The following ZNF536 variants were observed in gnomAD, a reference collection of about 807,000 sequenced individuals.
The protein encoded by ZNF536 is zinc finger protein 536.
Under a neutral mutation model 84.5 loss-of-function variants are expected in ZNF536, and 13 were observed. The observed-to-expected ratio is 0.15, with a 90% CI of 0.10 to 0.24. The LOEUF is 0.24. Among genes scored for constraint, ZNF536 ranks in the 10% least tolerant of loss-of-function variants. The probability of loss-of-function intolerance (pLI) is 1.00; values close to 1 mark genes in which losing one functional copy is unlikely to be tolerated. For missense variants in ZNF536, 1,536 were observed against 1,747.5 expected (o/e 0.88, Z 2.16); for synonymous variants, 811 against 742.5 (o/e 1.09, Z -1.50).
At chr19:30,452,123 G>A (rs1056048736) in intron 2 of ZNF536, among the ~76,000 whole-genome samples, 1 of 152,134 alleles carries the variant, frequency 6.6e-6, no homozygotes, top group Non-Finnish European at 1.5e-5. Flanking sequence ...CAGGTATCAC[G>A]AGCTTCCAGG....
At chr19:30,352,939 T>C (rs1414473085) in intron 3 of ZNF536, among the ~76,000 whole-genome samples, 4 of 152,192 alleles carry the variant, frequency 2.6e-5, no homozygotes, top group Admixed American at 6.5e-5. Context: ...AAAGTGAAGA[T>C]TTGAAATAGC....
At chr19:30,294,551 G>GTA (rs1311953573) in intron 2 of ZNF536, among the ~76,000 whole-genome samples, 2 of 59,696 alleles carry the variant, frequency 3.4e-5, no homozygotes, top group African/African-American at 9.4e-5. Flanking sequence ...GCCCCAATAT[G>GTA]TGTGTGTGTG....
At chr19:30,382,874 A>C (rs1330077030) in intron 1 of ZNF536, among the ~76,000 whole-genome samples, 1 of 152,248 alleles carries the variant, frequency 6.6e-6, no homozygotes, top group East Asian at 1.9e-4. Context: ...ATTATCATTT[A>C]GCAAACATAA....
Position 30,391,760 on chromosome 19 carries a change from A to G in ZNF536, c.-3+19204A>G, listed in dbSNP as rs549243344. Reference sequence around the variant, plus strand: ...AAAAGAAAAACATGCTTTCAAATTCACTGACAAACAGCATCTTCCACTAAA... The same window carrying G: ...AAAAGAAAAACATGCTTTCAAATTCGCTGACAAACAGCATCTTCCACTAAA... On this transcript the variant is annotated intron_variant, in intron 1 of 4. Transcript: ENST00000355537. Among the ~76,000 whole-genome samples the G allele has an allele frequency of 2.3e-3, 354 of 152,320 alleles. 7 individuals carry two copies. Among genetic ancestry groups the G allele is most frequent in the Middle Eastern group, 3.4e-3 (1 of 294 alleles).
chr19:30,565,106 C>T (rs2046304574), intron 1 of ZNF536, among the ~76,000 whole-genome samples: 1 of 151,918 alleles, frequency 6.6e-6, no homozygotes. Context: ...ACCATCTGCT[C>T]CTCTTTTTGC....
At chr19:30,407,214 T>G (rs2050296047) in intron 1 of ZNF536, among the ~76,000 whole-genome samples, 3 of 152,172 alleles carry the variant, frequency 2.0e-5, no homozygotes, top group African/African-American at 7.2e-5. Context: ...GGCTGAAAAA[T>G]CTACAAAGGA....
chr19:30,435,197 CTGATGATGGTGATGATGATGG>C (rs1263439489), intron 1 of ZNF536, among the ~76,000 whole-genome samples: 2 of 135,150 alleles, frequency 1.5e-5, no homozygotes, highest in South Asian at 5.0e-4. Flanking sequence ...GATGATGATG[CTGATGATGGTGATGATGATGG>C]TGATGATGGT....
intron 1 of ZNF536, among the ~76,000 whole-genome samples, chr19:30,590,992 C>G (rs2047259521): frequency 6.6e-6 from 1 of 152,204 alleles, no homozygotes. Flanking sequence ...CTGGCCTGTG[C>G]ATGGCCCAGA....
chr19:30,412,923 T>G (rs2050555344), intron 1 of ZNF536, among the ~76,000 whole-genome samples: 1 of 152,130 alleles, frequency 6.6e-6, no homozygotes. Flanking sequence ...TATTCTTTTA[T>G]TCAAGTATGT....
chr19:30,627,468 C>CAAAAA (rs569312789), intron 1 of ZNF536, among the ~76,000 whole-genome samples: 41 of 52,050 alleles, frequency 7.9e-4, no homozygotes, highest in South Asian at 1.8e-3. Context: ...AAGGCCCTGT[C>CAAAAA]AAAAAAAAAA....
intron 1 of ZNF536, among the ~76,000 whole-genome samples, chr19:30,253,572 G>T (rs1804409506): frequency 6.6e-6 from 1 of 152,180 alleles, no homozygotes. Flanking sequence ...GTTTTGATTT[G>T]TTTTTCCCAG....
At chr19:30,263,352 T>G (rs770162956) in intron 1 of ZNF536, among the ~76,000 whole-genome samples, 1 of 152,084 alleles carries the variant, frequency 6.6e-6, no homozygotes, top group Non-Finnish European at 1.5e-5. Context: ...GAAGCCACAC[T>G]GCAGTGCCAT....
At chr19:30,465,827 T>C (rs1173223958) in intron 2 of ZNF536, among the ~76,000 whole-genome samples, 1 of 152,032 alleles carries the variant, frequency 6.6e-6, no homozygotes, top group African/African-American at 2.4e-5. Context: ...CTCGGCTCAC[T>C]GCAAGCTCCA....
chr19:30,504,317 C>T (rs12976990), intron 2 of ZNF536, among the ~76,000 whole-genome samples: 1 of 146,020 alleles, frequency 6.8e-6, no homozygotes, highest in East Asian at 2.1e-4. Context: ...CTCCCTCCCA[C>T]CAGCCTCCTT....
chr19:30,519,455 G>C (rs1282193911), intron 2 of ZNF536, among the ~76,000 whole-genome samples: 1 of 152,214 alleles, frequency 6.6e-6, no homozygotes, highest in African/African-American at 2.4e-5. Flanking sequence ...CTCTCAAGGA[G>C]AGCCTGGAGG....
intron 1 of ZNF536, among the ~76,000 whole-genome samples, chr19:30,630,642 C>A (rs976610732): frequency 6.6e-6 from 1 of 152,196 alleles, no homozygotes; most frequent in African/African-American, 2.4e-5. Flanking sequence ...AGAAAGCCCT[C>A]CTTGGCACAG....
chr19:30,450,649 T>TA (rs2052560455), intron 2 of ZNF536, among the ~76,000 whole-genome samples: 1 of 152,164 alleles, frequency 6.6e-6, no homozygotes, highest in Non-Finnish European at 1.5e-5. Flanking sequence ...TGTTATATAT[T>TA]TAAAAAATCA....
chr19:30,530,448 G>A (rs901669936), intron 2 of ZNF536, among the ~76,000 whole-genome samples: 1 of 152,044 alleles, frequency 6.6e-6, no homozygotes, highest in Admixed American at 6.6e-5. Context: ...CCAGGTTCAA[G>A]CAATTCTCCT....
At position 30,445,019 on chromosome 19, in the gene ZNF536, A is replaced by C. The variant is rs1484294541; in HGVS notation, c.1457A>C (p.His486Pro). Residue 486 changes from histidine (H) to proline (P), a missense_variant, in exon 2 of 5, where the codon CAC becomes CCC. By Grantham distance (77) the His-to-Pro change is moderately conservative. This residue lies in a region of ZNF536 where 366 missense variants were observed against 364.4 expected (regional missense o/e 1.00). Coordinates refer to ENST00000355537, the MANE Select transcript of ZNF536 (RefSeq NM_014717.3). The surrounding 1 kb of genome is among the most constrained non-coding windows in gnomAD (Gnocchi z 4.5). The stretch of plus-strand genomic sequence containing the variant: ...CACGGCGTCCCGGAGGGGGACAAGC[A>C]CTCCCTCCTGGGATGCCTCAATCTC... ...MAHGVPEGDK[H>P]SLLGCLNLVP... 2 of 1,611,692 alleles carry C rather than the reference A, an allele frequency of 1.2e-6. No homozygotes were observed. The highest frequency in any genetic ancestry group is 1.3e-5 in the African/African-American group (1 of 74,926).
Sources: allele counts gnomAD v4.1 joint callset (sites outside exome capture counted in the v4.1 genomes callset), GRCh38; gene constraint gnomAD v4.1.1; regional missense constraint gnomAD v4.1.1; non-coding constraint Gnocchi (gnomAD v3.1); transcripts MANE v1.5; gene names NCBI Gene and HGNC (gene_info 2026-07-23, HGNC 2026-07-21).